The following NCAPD3 variants were observed in gnomAD, a reference collection of about 807,000 sequenced individuals.
NCAPD3 encodes the protein condensin-2 complex subunit D3.
NCAPD3 carries 105 observed loss-of-function variants against 182.9 expected under a neutral mutation model. The observed-to-expected ratio is 0.57, with a 90% CI of 0.49 to 0.68. The LOEUF (loss-of-function observed/expected upper bound fraction) is 0.68, where lower values mean the gene tolerates loss of function less well. Ranked by LOEUF, NCAPD3 falls within the 30% of genes least tolerant of loss-of-function variation. The pLI, the probability that NCAPD3 is intolerant of heterozygous loss-of-function variation, is 0.00. For missense variants in NCAPD3, 1,944 were observed against 1,837.0 expected (o/e 1.06, Z -1.07); for synonymous variants, 815 against 679.9 (o/e 1.20, Z -3.09).
intron 27 of NCAPD3, among the ~76,000 whole-genome samples, chr11:134,163,074 G>T (rs1943633988): frequency 6.6e-6 from 1 of 152,138 alleles, no homozygotes; most frequent in South Asian, 2.1e-4. Context: ...AAGTGGAGAG[G>T]TTAGAGGTGA....
At chr11:134,190,041 G>C (rs1177635231) in intron 16 of NCAPD3, among the ~76,000 whole-genome samples, 1 of 152,076 alleles carries the variant, frequency 6.6e-6, no homozygotes, top group Non-Finnish European at 1.5e-5. Context: ...CTGACCTATT[G>C]GATTAATTCA....
chr11:134,198,766 A>T (rs1429071888), intron 13 of NCAPD3, among the ~76,000 whole-genome samples: 1 of 152,252 alleles, frequency 6.6e-6, no homozygotes, highest in Non-Finnish European at 1.5e-5. Context: ...GTTGCAGGAC[A>T]GAAGATCAAT....
intron 13 of NCAPD3, among the ~76,000 whole-genome samples, chr11:134,202,216 T>C (rs1944764574): frequency 6.6e-6 from 1 of 152,202 alleles, no homozygotes; most frequent in Non-Finnish European, 1.5e-5. Flanking sequence ...TATCTGTGTC[T>C]CTCTCTCTTT....
At chr11:134,155,994 C>T (rs1215539492) in intron 32 of NCAPD3, among the ~76,000 whole-genome samples, 1 of 152,232 alleles carries the variant, frequency 6.6e-6, no homozygotes, top group Admixed American at 6.5e-5. Flanking sequence ...ACAGCAGGTG[C>T]TCCACACACA....
intron 27 of NCAPD3, among the ~76,000 whole-genome samples, chr11:134,164,642 G>A (rs560702325): frequency 1.1e-4 from 16 of 149,874 alleles, no homozygotes; most frequent in African/African-American, 3.2e-4. Flanking sequence ...TGAGGGAGCC[G>A]CATAATCACT....
chr11:134,157,009 G>A lies in NCAPD3; in HGVS notation c.4252+9C>T. ...AGGAGAAGCCCACGTGTTCCGATCA[G>A]TTACTCACTCTCGGGGGTGCTGATG... On this transcript the variant is annotated intron_variant, in intron 32 of 34. Coordinates refer to ENST00000534548, the MANE Select transcript of NCAPD3 (RefSeq NM_015261.3). 6.2e-7 allele frequency: 1 copy of A among 1,606,860 alleles called. No individual in the cohort carries two copies. The highest frequency in any genetic ancestry group is 1.3e-5 in the African/African-American group (1 of 74,586).
chr11:134,215,631 A>T (rs1281611103), intron 3 of NCAPD3, among the ~76,000 whole-genome samples: 1 of 152,222 alleles, frequency 6.6e-6, no homozygotes, highest in Non-Finnish European at 1.5e-5. Flanking sequence ...GCATTATTGA[A>T]ACAAATTAAA....
In NCAPD3 at chr11:134,153,153, G is replaced by A. The variant is rs185906594; in HGVS notation, c.4375C>T (p.Leu1459=). Residue 1459 remains leucine, a synonymous_variant, in exon 34 of 35, where the codon CTG becomes TTG. Coordinates refer to ENST00000534548, the MANE Select transcript of NCAPD3 (RefSeq NM_015261.3). Reference sequence around the variant, plus strand: ...TGCTAAACTTACGGTTTATCAGGCAGTGATAAACATAAGATGTCATTTCCT... The same window carrying A: ...TGCTAAACTTACGGTTTATCAGGCAATGATAAACATAAGATGTCATTTCCT... The part of the protein sequence containing the change: ...SQGNDILCLS[L]PDKPPPQPQQ... 1.2e-6 allele frequency: 2 copies of A among 1,613,982 alleles called. 1 individual carries two copies. Among genetic ancestry groups the A allele is most frequent in the Admixed American group, 3.3e-5 (2 of 60,028 alleles).
chr11:134,201,077 T>C (rs938086409), intron 13 of NCAPD3, among the ~76,000 whole-genome samples: 4 of 145,694 alleles, frequency 2.7e-5, no homozygotes, highest in Admixed American at 2.1e-4. Context: ...CAGGCTGGAG[T>C]GCGGTGGCGC....
chr11:134,171,504 G>T (rs1392400875), intron 24 of NCAPD3, among the ~76,000 whole-genome samples: 1 of 152,114 alleles, frequency 6.6e-6, no homozygotes, highest in East Asian at 1.9e-4. Flanking sequence ...AGACTCAAGA[G>T]TTCATGCTGA....
Position 134,204,805 on chromosome 11 carries a change from A to T in NCAPD3, c.1089+94T>A. On this transcript the variant is annotated intron_variant, in intron 9 of 34. Coordinates refer to ENST00000534548, the MANE Select transcript of NCAPD3 (RefSeq NM_015261.3). This position sits in a 1 kb window ranked among gnomAD's most constrained non-coding sequence, Gnocchi z 4.3. ...TAAGTAACAATGCACACTCATTCCCAAGAACAAATACCCACACTCACACAC... is the reference window on the plus strand; with the variant it reads ...TAAGTAACAATGCACACTCATTCCCTAGAACAAATACCCACACTCACACAC... 5.8e-6 allele frequency: 6 copies of T among 1,036,500 alleles called. No homozygotes were observed. Among genetic ancestry groups the T allele is most frequent in the South Asian group, 3.2e-5 (2 of 62,982 alleles). 64.2% of individuals were successfully genotyped at this position (1,036,500 alleles called of 1,614,324 possible). A position where few individuals can be genotyped will look rare whatever the true frequency, so the allele number is the denominator to read the frequency against.
intron 27 of NCAPD3, 89 bp from the exon 28 acceptor site, chr11:134,161,980 C>G (rs1191693023): frequency 1.6e-6 from 1 of 640,722 alleles, no homozygotes; most frequent in Non-Finnish European, 2.7e-6. Context: ...TAGAGCCACC[C>G]TACCACACTA....
intron 19 of NCAPD3, among the ~76,000 whole-genome samples, chr11:134,181,806 G>A (rs1001226143): frequency 3.9e-5 from 6 of 152,050 alleles, no homozygotes; most frequent in Admixed American, 3.3e-4. Flanking sequence ...TGAGCTAAGG[G>A]CCTCCACCCC....
rs1943201489 is a variant in NCAPD3, at chr11:134,150,804, A to C, written c.*2140T>G. 6.6e-6 allele frequency: 1 copy of C among 152,208 alleles called. No homozygotes were observed. The highest frequency in any genetic ancestry group is 2.1e-4 in the South Asian group (1 of 4,822). 9.4% of individuals were successfully genotyped at this position (152,208 alleles called of 1,614,324 possible). Reference sequence around the variant, plus strand: ...ACCCAGACGCCACAGGCTCTGTCGCATTTCAAAACAAACCATGATGGAGTG... The same window carrying C: ...ACCCAGACGCCACAGGCTCTGTCGCCTTTCAAAACAAACCATGATGGAGTG... On this transcript the variant is annotated 3_prime_UTR_variant, in exon 35 of 35. Transcript: ENST00000534548.
chr11:134,193,371 C>G (rs1422930901), intron 15 of NCAPD3, among the ~76,000 whole-genome samples: 1 of 152,220 alleles, frequency 6.6e-6, no homozygotes, highest in Non-Finnish European at 1.5e-5. Flanking sequence ...GCAATATCAT[C>G]TATCTATGCC....
At chr11:134,215,198 C>T (rs987270986) in intron 3 of NCAPD3, among the ~76,000 whole-genome samples, 1 of 148,352 alleles carries the variant, frequency 6.7e-6, no homozygotes, top group Non-Finnish European at 1.5e-5. Flanking sequence ...TAAGGGCCAT[C>T]CTGAGAAACC....
chr11:134,205,369 C>T (rs1230056961), intron 8 of NCAPD3, among the ~76,000 whole-genome samples: 1 of 151,704 alleles, frequency 6.6e-6, no homozygotes, highest in South Asian at 2.1e-4. Flanking sequence ...AACTTTAACC[C>T]AATAAGAAAT....
chr11:134,225,005 C>A, upstream of NCAPD3: 1 of 949,668 alleles, frequency 1.1e-6, no homozygotes, highest in Non-Finnish European at 1.4e-6. Flanking sequence ...AGCCAGGCAG[C>A]CCCGCGGCGG....
intron 3 of NCAPD3, among the ~76,000 whole-genome samples, chr11:134,215,488 T>G (rs1376395447): frequency 6.6e-6 from 1 of 152,166 alleles, no homozygotes; most frequent in African/African-American, 2.4e-5. Context: ...TCAAAATCAA[T>G]TTTGCTTCTA....
Sources: allele counts gnomAD v4.1 joint callset (sites outside exome capture counted in the v4.1 genomes callset), GRCh38; gene constraint gnomAD v4.1.1; non-coding constraint Gnocchi (gnomAD v3.1); transcripts MANE v1.5; gene names NCBI Gene and HGNC (gene_info 2026-07-23, HGNC 2026-07-21).